Variants in PDAP1 observed in about 807,000 individuals in gnomAD.
PDAP1 encodes 28 kDa heat- and acid-stable phosphoprotein.
PDAP1 carries 13 observed loss-of-function variants against 28.0 expected under a neutral mutation model. The observed-to-expected ratio is 0.46, with a 90% CI of 0.30 to 0.74. PDAP1 has a LOEUF of 0.74. Ranked by LOEUF, PDAP1 falls within the 30% of genes least tolerant of loss-of-function variation. PDAP1 has a pLI of 0.07. For synonymous variants in PDAP1, 77 were observed against 85.1 expected (o/e 0.91, Z 0.52); for missense variants, 150 against 230.0 (o/e 0.65, Z 2.25).
chr7:99,397,181 G>A (rs1321031875), intron 5 of PDAP1, among the ~76,000 whole-genome samples: 1 of 152,186 alleles, frequency 6.6e-6, no homozygotes, highest in Admixed American at 6.5e-5. Context: ...TGGTGCGGGT[G>A]ACAATGTCCC....
chr7:99,403,632 A>T, intron 2 of PDAP1, 127 bp from the exon 3 acceptor site: 1 of 743,454 alleles, frequency 1.3e-6, no homozygotes. Flanking sequence ...ACCAAGGATG[A>T]CAAGGGTCCT....
chr7:99,403,067 G>C (rs1212486800), intron 3 of PDAP1, among the ~76,000 whole-genome samples: 1 of 152,008 alleles, frequency 6.6e-6, no homozygotes, highest in East Asian at 1.9e-4. Context: ...CAGGACCTTT[G>C]CACTTGCTAA....
intron 3 of PDAP1, among the ~76,000 whole-genome samples, chr7:99,402,856 G>T (rs1210256588): frequency 7.1e-6 from 1 of 140,740 alleles, no homozygotes; most frequent in Non-Finnish European, 1.5e-5. Flanking sequence ...TCCAGCCTCA[G>T]TGACAAAGCG....
intron 1 of PDAP1, among the ~76,000 whole-genome samples, chr7:99,405,257 A>C (rs1359435036): frequency 6.6e-6 from 1 of 152,160 alleles, no homozygotes; most frequent in Admixed American, 6.5e-5. Flanking sequence ...CTTACAATCC[A>C]AGCATAGTGG....
intron 2 of PDAP1, 160 bp from the exon 3 acceptor site, chr7:99,403,665 A>T: frequency 1.4e-6 from 1 of 690,400 alleles, no homozygotes; most frequent in South Asian, 1.5e-5. Flanking sequence ...GCCCCCAGGG[A>T]ATGGGACCTG....
At chr7:99,404,119 T>C (rs149298483) in intron 2 of PDAP1, among the ~76,000 whole-genome samples, 1 of 152,252 alleles carries the variant, frequency 6.6e-6, no homozygotes, top group East Asian at 1.9e-4. Flanking sequence ...ACATTCTCCA[T>C]GTCCTGCTCA....
At chr7:99,397,349 C>T (rs763151953) in intron 5 of PDAP1, among the ~76,000 whole-genome samples, 1 of 152,140 alleles carries the variant, frequency 6.6e-6, no homozygotes, top group Non-Finnish European at 1.5e-5. Flanking sequence ...CCACTCTGGC[C>T]TAGAGGAACC....
intron 2 of PDAP1, 52 bp from the exon 3 acceptor site, chr7:99,403,557 A>C (rs1451479504): frequency 8.7e-7 from 1 of 1,154,628 alleles, no homozygotes; most frequent in African/African-American, 1.5e-5. Flanking sequence ...ACAAATCCCC[A>C]AGACTGTGAC....
chr7:99,396,516 C>CAA lies in PDAP1; in HGVS notation c.*165_*166insTT. 2 of 437,708 alleles carry CAA rather than the reference C, an allele frequency of 4.6e-6. No homozygotes were observed. Among genetic ancestry groups the CAA allele is most frequent in the South Asian group, 1.7e-5 (1 of 59,152 alleles). The allele number at this position is 437,708 out of a possible 1,614,324, so 27.1% of individuals were successfully genotyped here. A position where few individuals can be genotyped will look rare whatever the true frequency, so the allele number is the denominator to read the frequency against. ...CCCCTCCCCCAGTCCCCCCCCCCAT[C>CAA]CCCCAAACAATTTCTGTGCCAAGAT... is the stretch of plus-strand genomic sequence containing the variant. On this transcript the variant is annotated 3_prime_UTR_variant, in exon 6 of 6. Coordinates refer to ENST00000350498, the MANE Select transcript of PDAP1 (RefSeq NM_014891.7).
rs2150901496 is a variant in PDAP1 at position 99,395,440 on chromosome 7, A to T, written c.*1242T>A. 6.6e-6 allele frequency: 1 copy of T among 152,222 alleles called. No homozygotes were observed. The highest frequency in any genetic ancestry group is 2.1e-4 in the South Asian group (1 of 4,820). The allele number at this position is 152,222 out of a possible 1,614,324, so 9.4% of individuals were successfully genotyped here. A position where few individuals can be genotyped will look rare whatever the true frequency, so the allele number is the denominator to read the frequency against. On this transcript the variant is annotated 3_prime_UTR_variant, in exon 6 of 6. Coordinates refer to ENST00000350498, the MANE Select transcript of PDAP1 (RefSeq NM_014891.7). ...GCTGGGATTACAGGCATGAGCCACC[A>T]TGCCCGGCCTGGTTGTGGAACTTCA...
In PDAP1 at chr7:99,400,398, G is replaced by A. The variant is rs1794842360; in HGVS notation, c.240C>T (p.Leu80=). The change falls in exon 4 of 6, where the codon CTC becomes CTT. Residue 80 remains leucine, a synonymous_variant. Coordinates refer to ENST00000350498, the MANE Select transcript of PDAP1 (RefSeq NM_014891.7). ...YQQKRKGVEG[L]IDIENPNRVA... ...CCCGGTTGGGGTTCTCGATGTCGATGAGCCCTTCAACGCCTTTGCGCTTTT... is the reference window on the plus strand; with the variant it reads ...CCCGGTTGGGGTTCTCGATGTCGATAAGCCCTTCAACGCCTTTGCGCTTTT... 3 of 1,614,060 alleles carry A rather than the reference G, an allele frequency of 1.9e-6. No individual in the cohort carries two copies. Among genetic ancestry groups the A allele is most frequent in the Admixed American group, 1.7e-5 (1 of 60,008 alleles).
At chr7:99,401,872 T>G (rs1203357484) in intron 3 of PDAP1, among the ~76,000 whole-genome samples, 1 of 151,818 alleles carries the variant, frequency 6.6e-6, no homozygotes, top group Non-Finnish European at 1.5e-5. Context: ...AATTTTTGTA[T>G]TTTTAGTAGA....
At chr7:99,399,868 C>T (rs926255001) in intron 4 of PDAP1, among the ~76,000 whole-genome samples, 3 of 152,340 alleles carry the variant, frequency 2.0e-5, no homozygotes, top group South Asian at 2.1e-4. Flanking sequence ...CTTGCAGAGG[C>T]CTGGGACAGC....
chr7:99,399,930 C>T (rs1358114737), intron 4 of PDAP1, among the ~76,000 whole-genome samples: 2 of 152,178 alleles, frequency 1.3e-5, no homozygotes, highest in Non-Finnish European at 2.9e-5. Flanking sequence ...AGGCTCGCAG[C>T]CCCCTTCCAG....
At chr7:99,406,314 A>T (rs908895134) in intron 1 of PDAP1, among the ~76,000 whole-genome samples, 1 of 152,232 alleles carries the variant, frequency 6.6e-6, no homozygotes, top group South Asian at 2.1e-4. Context: ...AAAAACAACA[A>T]CAAAAGCACC....
At chr7:99,399,239 C>T (rs574737472) in intron 4 of PDAP1, among the ~76,000 whole-genome samples, 1 of 152,276 alleles carries the variant, frequency 6.6e-6, no homozygotes, top group South Asian at 2.1e-4. Flanking sequence ...TGCCTCACTA[C>T]AGAGCTGAGG....
At chr7:99,396,924 C>G (rs1336245132) in intron 5 of PDAP1, among the ~76,000 whole-genome samples, 184 bp from the exon 6 acceptor site, 1 of 152,152 alleles carries the variant, frequency 6.6e-6, no homozygotes, top group African/African-American at 2.4e-5. Flanking sequence ...CCCGACATTC[C>G]CGACACGCTT....
At chr7:99,398,159 CCT>C (rs937522055) in intron 4 of PDAP1, 146 bp from the exon 5 acceptor site, 1 of 826,972 alleles carries the variant, frequency 1.2e-6, no homozygotes, top group African/African-American at 1.7e-5. Flanking sequence ...CCATGAACCC[CCT>C]GCTTGGTGGA....
Position 99,396,627 on chromosome 7 carries a change from C to G in PDAP1, c.*55G>C, listed in dbSNP as rs1224055428. On this transcript the variant is annotated 3_prime_UTR_variant, in exon 6 of 6. Coordinates refer to ENST00000350498, the MANE Select transcript of PDAP1 (RefSeq NM_014891.7). Reference sequence around the variant, plus strand: ...AGGGCACAGGGTGGGCGAGACACAGCAGAGGTCCTGGCAGCGCGGCCCAGG... The same window carrying G: ...AGGGCACAGGGTGGGCGAGACACAGGAGAGGTCCTGGCAGCGCGGCCCAGG... 1 of 1,468,854 alleles carries G rather than the reference C, an allele frequency of 6.8e-7. No homozygotes were observed. The highest frequency in any genetic ancestry group is 1.4e-5 in the African/African-American group (1 of 72,038). The allele number at this position is 1,468,854 out of a possible 1,614,324, so 91.0% of individuals were successfully genotyped here. A position where few individuals can be genotyped will look rare whatever the true frequency, so the allele number is the denominator to read the frequency against.
Sources: allele counts gnomAD v4.1 joint callset (sites outside exome capture counted in the v4.1 genomes callset), GRCh38; gene constraint gnomAD v4.1.1; transcripts MANE v1.5; gene names NCBI Gene and HGNC (gene_info 2026-07-23, HGNC 2026-07-21).